Variants in WDPCP observed in about 807,000 individuals in gnomAD.
The protein encoded by WDPCP is WD repeat containing planar cell polarity effector.
WDPCP carries 71 observed loss-of-function variants against 93.1 expected under a neutral mutation model. The ratio of observed to expected loss-of-function variants is 0.76; its 90% CI spans 0.63 to 0.93. The LOEUF (loss-of-function observed/expected upper bound fraction) is 0.93, where lower values mean the gene tolerates loss of function less well. WDPCP is among the 40% of genes least tolerant of loss of function. The pLI is 0.00. For missense variants in WDPCP, 844 were observed against 887.4 expected (o/e 0.95, Z 0.62); for synonymous variants, 315 against 315.0 (o/e 1.00, Z 0.00).
At chr2:63,528,746 T>C (rs950634934) in intron 1 of WDPCP, among the ~76,000 whole-genome samples, 1 of 152,240 alleles carries the variant, frequency 6.6e-6, no homozygotes, top group African/African-American at 2.4e-5. Flanking sequence ...TCCAATTCTG[T>C]GAAGAAAGTC....
chr2:63,669,700 T>A (rs1387193621), intron 2 of WDPCP, among the ~76,000 whole-genome samples: 1 of 152,190 alleles, frequency 6.6e-6, no homozygotes, highest in Non-Finnish European at 1.5e-5. Flanking sequence ...GTTAGATACA[T>A]TTAAAAAGCT....
rs974807219 is a variant in WDPCP, at chr2:63,701,380, G to A, written n.309-50542C>T. ...TGCTGACAAGGATGTGAAGAAAGGAGAACCTTCATACACCGTTGGTGGGAA... is the reference window on the plus strand; with the variant it reads ...TGCTGACAAGGATGTGAAGAAAGGAAAACCTTCATACACCGTTGGTGGGAA... On this transcript the variant is annotated intron_variant and non_coding_transcript_variant, in intron 2 of 4. Coordinates refer to the WDPCP transcript ENST00000467687. 5.9e-5 allele frequency among the ~76,000 whole-genome samples: 9 copies of A among 152,180 alleles called. No homozygotes were observed. The South Asian group carries it at 6.2e-4, about 10-fold the overall frequency.
At chr2:63,355,743 C>T (rs2104600502) in intron 12 of WDPCP, among the ~76,000 whole-genome samples, 1 of 152,206 alleles carries the variant, frequency 6.6e-6, no homozygotes, top group Middle Eastern at 3.4e-3. Context: ...TAAAAATTAG[C>T]TGGGCATGGT....
chr2:63,185,854 A>G (rs1467353425), intron 14 of WDPCP, among the ~76,000 whole-genome samples: 1 of 152,090 alleles, frequency 6.6e-6, no homozygotes, highest in Non-Finnish European at 1.5e-5. Context: ...AGCCTGAGAG[A>G]GTGTGTGAAG....
intron 2 of WDPCP, among the ~76,000 whole-genome samples, chr2:63,724,154 A>G (rs1231224008): frequency 2.6e-5 from 4 of 152,258 alleles, no homozygotes; most frequent in Non-Finnish European, 4.4e-5. Context: ...ATAAATATTT[A>G]GTTTGATGTA....
At chr2:63,215,350 C>A (rs1048143685) in intron 14 of WDPCP, among the ~76,000 whole-genome samples, 1 of 152,082 alleles carries the variant, frequency 6.6e-6, no homozygotes, top group Non-Finnish European at 1.5e-5. Context: ...GGTGCTGGTA[C>A]CAAAACAGAG....
chr2:63,386,730 G>A (rs1170622242), intron 10 of WDPCP, among the ~76,000 whole-genome samples: 1 of 151,972 alleles, frequency 6.6e-6, no homozygotes, highest in Non-Finnish European at 1.5e-5. Flanking sequence ...ACTTGTAGAT[G>A]AAAGTACATA....
In WDPCP at chr2:63,388,681, A is replaced by G. The variant is rs183686131; in HGVS notation, c.1436-6587T>C. ...AGTTAGACGAATGGCTAACTAGAAT[A>G]AACAGTGTAGAGAAGAACATAAATG... On this transcript the variant is annotated intron_variant, in intron 10 of 17. Transcript: ENST00000272321. 3.9e-3 allele frequency among the ~76,000 whole-genome samples: 597 copies of G among 152,324 alleles called. 7 individuals are homozygous for G. Among genetic ancestry groups the G allele is most frequent in the Non-Finnish European group, 2.8e-3 (193 of 68,040 alleles).
At chr2:63,636,548 A>G (rs561007659) in intron 3 of WDPCP, among the ~76,000 whole-genome samples, 1 of 152,216 alleles carries the variant, frequency 6.6e-6, no homozygotes, top group African/African-American at 2.4e-5. Context: ...ACATCCTCCT[A>G]TCTCAGCCTC....
intron 7 of WDPCP, chr2:63,437,780 C>T: frequency 7.1e-7 from 1 of 1,410,222 alleles, no homozygotes; most frequent in East Asian, 2.3e-5. Context: ...TTTCAATATA[C>T]ACTGATATTT....
At chr2:63,679,499 A>G (rs1710463642) in intron 2 of WDPCP, among the ~76,000 whole-genome samples, 1 of 152,084 alleles carries the variant, frequency 6.6e-6, no homozygotes, top group Admixed American at 6.5e-5. Flanking sequence ...GTTCTGCCCT[A>G]TGGGAGAATC....
chr2:63,581,423 A>G (rs1347167344), intron 1 of WDPCP, among the ~76,000 whole-genome samples: 3 of 152,176 alleles, frequency 2.0e-5, no homozygotes, highest in Non-Finnish European at 2.9e-5. Context: ...CTGGAGAAAG[A>G]GCAACTAGAA....
At chr2:63,534,672 A>G (rs28858462) in intron 1 of WDPCP, among the ~76,000 whole-genome samples, 2,716 of 152,314 alleles carry the variant, frequency 0.018, 69 homozygotes, top group African/African-American at 0.059. Flanking sequence ...GCTTCATGCT[A>G]AAAACTCTGA....
intron 10 of WDPCP, among the ~76,000 whole-genome samples, chr2:63,382,552 A>C (rs1011602190): frequency 3.3e-5 from 5 of 152,134 alleles, no homozygotes; most frequent in Non-Finnish European, 7.4e-5. Flanking sequence ...AGTCTAAAAA[A>C]CTTCCTCTCA....
intron 2 of WDPCP, among the ~76,000 whole-genome samples, chr2:63,739,704 A>G (rs1455624897): frequency 6.6e-6 from 1 of 152,028 alleles, no homozygotes; most frequent in Admixed American, 6.6e-5. Context: ...CCAACAGTGT[A>G]TGTGTTCCCT....
chr2:63,727,883 T>A (rs1235117200), intron 2 of WDPCP, among the ~76,000 whole-genome samples: 1 of 152,182 alleles, frequency 6.6e-6, no homozygotes, highest in African/African-American at 2.4e-5. Context: ...CATTGCTGAT[T>A]GTGTTTTTTG....
At chr2:63,284,216 C>A (rs918329518) in intron 13 of WDPCP, among the ~76,000 whole-genome samples, 1 of 152,144 alleles carries the variant, frequency 6.6e-6, no homozygotes, top group Non-Finnish European at 1.5e-5. Context: ...CATGTTCTTA[C>A]ACTATCCATG....
At chr2:63,685,621 C>T (rs1033419831) in intron 2 of WDPCP, among the ~76,000 whole-genome samples, 2 of 152,008 alleles carry the variant, frequency 1.3e-5, no homozygotes, top group Non-Finnish European at 2.9e-5. Context: ...AGTATAATCC[C>T]GATACCAAAA....
intron 2 of WDPCP, among the ~76,000 whole-genome samples, chr2:63,707,838 T>G (rs1353190382): frequency 6.6e-6 from 1 of 152,232 alleles, no homozygotes; most frequent in Admixed American, 6.5e-5. Context: ...TTAGTTTTCC[T>G]TCTAACAGTC....
Sources: allele counts gnomAD v4.1 joint callset (sites outside exome capture counted in the v4.1 genomes callset), GRCh38; gene constraint gnomAD v4.1.1; transcripts MANE v1.5; gene names NCBI Gene and HGNC (gene_info 2026-07-23, HGNC 2026-07-21).